Variants in ASXL3 observed in about 807,000 individuals in gnomAD.
The protein encoded by ASXL3 is ASXL transcriptional regulator 3, also known as putative Polycomb group protein ASXL3.
In ASXL3, 34 loss-of-function variants were observed where a neutral mutation model predicts 170.6. The ratio of observed to expected loss-of-function variants is 0.20; its 90% confidence interval spans 0.15 to 0.27. ASXL3 has a LOEUF of 0.27. Among genes scored for constraint, ASXL3 ranks in the 10% least tolerant of loss-of-function variants. ASXL3 has a pLI of 1.00. For synonymous variants in ASXL3, 1,002 were observed against 989.1 expected (o/e 1.01, Z -0.24); for missense variants, 2,592 against 2,695.3 (o/e 0.96, Z 0.85).
intron 8 of ASXL3, among the ~76,000 whole-genome samples, chr18:33,688,973 G>C (rs2066643739): frequency 6.6e-6 from 1 of 151,572 alleles, no homozygotes; most frequent in Non-Finnish European, 1.5e-5. Flanking sequence ...CCCAATATAT[G>C]ATGACTTGAA....
chr18:33,691,724 G>A (rs1452397083), intron 8 of ASXL3, among the ~76,000 whole-genome samples: 1 of 152,178 alleles, frequency 6.6e-6, no homozygotes, highest in East Asian at 1.9e-4. Flanking sequence ...GGAACATAGA[G>A]GAGATAATTA....
chr18:33,668,897 C>T (rs1009547442), intron 5 of ASXL3, among the ~76,000 whole-genome samples: 1 of 151,028 alleles, frequency 6.6e-6, no homozygotes, highest in Non-Finnish European at 1.5e-5. Context: ...TCTAACCAAA[C>T]ACACACACAC....
chr18:33,666,678 CAG>C (rs1599467253), intron 5 of ASXL3, among the ~76,000 whole-genome samples: 1 of 152,064 alleles, frequency 6.6e-6, no homozygotes, highest in Non-Finnish European at 1.5e-5. Context: ...CTCAAAGCTG[CAG>C]ACAGTATGAT....
chr18:33,699,551 A>G (rs769062772), intron 8 of ASXL3, among the ~76,000 whole-genome samples: 1 of 152,142 alleles, frequency 6.6e-6, no homozygotes, highest in Admixed American at 6.6e-5. Flanking sequence ...GATGTGGTTC[A>G]CTGGTGATCT....
rs2066748992 is a variant in ASXL3, at chr18:33,695,002, T to A, written c.879+11434T>A. On this transcript the variant is annotated intron_variant, in intron 8 of 11. Coordinates refer to ENST00000269197, the MANE Select transcript of ASXL3 (RefSeq NM_030632.3). ...GTCACGCAGCCTTTATAAATGCAAATGCGAAAGGGCTTTCCGTCTTTTCCC... is the reference window on the plus strand; with the variant it reads ...GTCACGCAGCCTTTATAAATGCAAAAGCGAAAGGGCTTTCCGTCTTTTCCC... 3.3e-5 allele frequency among the ~76,000 whole-genome samples: 5 copies of A among 152,236 alleles called. No homozygotes were observed. In the South Asian group the frequency reaches 1.0e-3, roughly 32 times the overall value.
intron 5 of ASXL3, among the ~76,000 whole-genome samples, chr18:33,670,442 T>C (rs545495160): frequency 6.6e-6 from 1 of 152,330 alleles, no homozygotes; most frequent in South Asian, 2.1e-4. Context: ...TTGTTAGAAT[T>C]ATACCGAAAA....
chr18:33,710,603 C>T lies in ASXL3; in HGVS notation c.880-21365C>T, dbSNP rs144123229. 2.9e-3 allele frequency among the ~76,000 whole-genome samples: 444 copies of T among 152,236 alleles called. 1 individual carries two copies. Among genetic ancestry groups the T allele is most frequent in the Middle Eastern group, 0.01 (3 of 294 alleles). On this transcript the variant is annotated intron_variant, in intron 8 of 11. Coordinates refer to ENST00000269197, the MANE Select transcript of ASXL3 (RefSeq NM_030632.3). ...ATCTTATTAAAGACATATTGTCTTT[C>T]TAGGCACTCTTAAATAGGATCAATT...
chr18:33,578,287 T>C lies in ASXL3; in HGVS notation c.-345T>C, dbSNP rs1326717168. The stretch of plus-strand genomic sequence containing the variant: ...GCTGTCACCGCAGCGGCCGCGGCGG[T>C]GGCGCAGCGCGAGCCCCGCACGAGC... On this transcript the variant is annotated 5_prime_UTR_variant, in exon 1 of 12. Transcript: ENST00000269197. 6.8e-6 allele frequency: 1 copy of C among 147,206 alleles called. No homozygotes were observed. Among genetic ancestry groups the C allele is most frequent in the Non-Finnish European group, 1.5e-5 (1 of 66,336 alleles). The allele number at this position is 147,206 out of a possible 1,614,324, so 9.1% of individuals were successfully genotyped here. A position where few individuals can be genotyped will look rare whatever the true frequency, so the allele number is the denominator to read the frequency against.
At position 33,739,791 on chromosome 18, in the gene ASXL3, A is replaced by G. The variant is rs1379351754; in HGVS notation, c.2387A>G (p.Asn796Ser). 3 of 1,613,746 alleles carry G rather than the reference A, an allele frequency of 1.9e-6. No individual in the cohort carries two copies. The highest frequency in any genetic ancestry group is 2.5e-6 in the Non-Finnish European group (3 of 1,179,848). The change falls in exon 11 of 12, where the codon AAC becomes AGC. Residue 796 changes from asparagine (N) to serine (S), a missense_variant. Coordinates refer to ENST00000269197, the MANE Select transcript of ASXL3 (RefSeq NM_030632.3). Reference protein sequence around the residue: ...SSATAKPLGENLTSQQKNLSN... With the variant: ...SSATAKPLGESLTSQQKNLSN... Reference sequence around the variant, plus strand: ...GCCACTGCCAAACCTCTGGGAGAGAACCTTACCTCCCAGCAGAAGAATCTG... The same window carrying G: ...GCCACTGCCAAACCTCTGGGAGAGAGCCTTACCTCCCAGCAGAAGAATCTG...
chr18:33,679,549 A>T (rs1006344772), intron 7 of ASXL3, among the ~76,000 whole-genome samples: 5 of 152,000 alleles, frequency 3.3e-5, no homozygotes, highest in African/African-American at 1.2e-4. Context: ...TTTTTTCTGA[A>T]ATATGTGTAT....
At chr18:33,719,936 G>A (rs572022061) in intron 8 of ASXL3, among the ~76,000 whole-genome samples, 2 of 152,126 alleles carry the variant, frequency 1.3e-5, no homozygotes, top group African/African-American at 4.8e-5. Context: ...GACAGACTAA[G>A]GCACCCATCT....
chr18:33,660,442 T>C (rs1431344437), intron 4 of ASXL3, among the ~76,000 whole-genome samples: 1 of 152,130 alleles, frequency 6.6e-6, no homozygotes, highest in Non-Finnish European at 1.5e-5. Context: ...TCAAGGTGCA[T>C]ATGCCTGTGC....
intron 7 of ASXL3, among the ~76,000 whole-genome samples, chr18:33,676,366 A>G (rs995510051): frequency 6.6e-6 from 1 of 151,822 alleles, no homozygotes; most frequent in Non-Finnish European, 1.5e-5. Context: ...TTGTTTGCCC[A>G]TGGCCAGGGT....
intron 8 of ASXL3, among the ~76,000 whole-genome samples, chr18:33,730,053 A>G (rs764448842): frequency 6.6e-6 from 1 of 152,134 alleles, no homozygotes; most frequent in Admixed American, 6.5e-5. Context: ...CTTTGGCTAC[A>G]GTGGGTCCCT....
chr18:33,585,833 T>C lies in ASXL3; in HGVS notation c.54+7148T>C, dbSNP rs2065030120. Among the ~76,000 whole-genome samples the C allele has an allele frequency of 3.3e-5, 5 of 152,216 alleles. No individual in the cohort carries two copies. In the South Asian group the frequency reaches 1.0e-3, roughly 32 times the overall value. The stretch of plus-strand genomic sequence containing the variant: ...TTTCCTAAATATATGCATGTCTAAT[T>C]TATGATACAATTATTATTGCTTTAT... On this transcript the variant is annotated intron_variant, in intron 1 of 11. Coordinates refer to ENST00000269197, the MANE Select transcript of ASXL3 (RefSeq NM_030632.3).
At chr18:33,612,543 C>G (rs2065352462) in intron 2 of ASXL3, among the ~76,000 whole-genome samples, 1 of 151,636 alleles carries the variant, frequency 6.6e-6, no homozygotes, top group African/African-American at 2.4e-5. Flanking sequence ...TTATTTTTAC[C>G]TCATTTTGTT....
chr18:33,749,862 C>T lies in ASXL3; in HGVS notation c.*3267C>T, dbSNP rs987767995. 1.3e-5 allele frequency: 2 copies of T among 152,138 alleles called. No homozygotes were observed. The highest frequency in any genetic ancestry group is 4.8e-5 in the African/African-American group (2 of 41,412). 9.4% of individuals were successfully genotyped at this position (152,138 alleles called of 1,614,324 possible). ...GGACCTTGGATATTCTTACTCGGTT[C>T]AAAATACACAAAAACAAGCTGGTAC... On this transcript the variant is annotated 3_prime_UTR_variant, in exon 12 of 12. Coordinates refer to ENST00000269197, the MANE Select transcript of ASXL3 (RefSeq NM_030632.3).
intron 2 of ASXL3, among the ~76,000 whole-genome samples, chr18:33,608,612 G>A (rs2065286081): frequency 6.6e-6 from 1 of 151,928 alleles, no homozygotes; most frequent in Non-Finnish European, 1.5e-5. Context: ...CAACTATGAT[G>A]TTGTCATATG....
chr18:33,714,016 A>C (rs530880327), intron 8 of ASXL3, among the ~76,000 whole-genome samples: 3 of 152,214 alleles, frequency 2.0e-5, no homozygotes, highest in Admixed American at 1.3e-4. Flanking sequence ...ATGGCATAAG[A>C]GGTGCTGGCA....
Sources: gnomAD v4.1 joint callset for allele counts (sites outside exome capture counted in the v4.1 genomes callset) on GRCh38, gnomAD v4.1.1 for gene constraint, MANE v1.5 for transcripts, NCBI Gene and HGNC (gene_info 2026-07-23, HGNC 2026-07-21) for gene names.